SAMMSON: variants seen among roughly 807,000 people sequenced by gnomAD.
SAMMSON encodes the protein long intergenic non-protein coding RNA 1212.
chr3:70,406,255 A>G (rs2106765784), intron 2 of SAMMSON, among the ~76,000 whole-genome samples: 1 of 152,316 alleles, frequency 6.6e-6, no homozygotes, highest in South Asian at 2.1e-4. Flanking sequence ...AATTCTAACC[A>G]GAAGACAATG....
At chr3:70,009,080 G>A (rs1413933528) in intron 1 of SAMMSON, 1 of 152,170 alleles carries the variant, frequency 6.6e-6, no homozygotes, top group African/African-American at 2.4e-5. Context: ...TGTTCGTCAG[G>A]GATATTGGTC....
chr3:70,159,576 T>G (rs1416331366), intron 4 of SAMMSON: 2 of 152,158 alleles, frequency 1.3e-5, no homozygotes, highest in African/African-American at 2.4e-5. Flanking sequence ...CTGACTTTTT[T>G]TTTTCAGATG....
chr3:70,025,404 C>T (rs2067033396), intron 3 of SAMMSON, among the ~76,000 whole-genome samples: 1 of 152,114 alleles, frequency 6.6e-6, no homozygotes, highest in Non-Finnish European at 1.5e-5. Flanking sequence ...GCCACCACAC[C>T]TGGATAAGTT....
chr3:70,005,596 G>T (rs369356155), intron 1 of SAMMSON, among the ~76,000 whole-genome samples: 1 of 152,098 alleles, frequency 6.6e-6, no homozygotes, highest in Non-Finnish European at 1.5e-5. Context: ...TATTCCACCA[G>T]CCAAAGCAGG....
Position 70,305,713 on chromosome 3 carries a change from T to C in SAMMSON, n.739+14470T>C, listed in dbSNP as rs141991342. Among the ~76,000 whole-genome samples the C allele has an allele frequency of 2.4e-4, 37 of 152,306 alleles. 1 individual carries two copies. The highest frequency in any genetic ancestry group is 8.4e-4 in the African/African-American group (35 of 41,574). ...AATGTTCATGATCCAAAATTATTTT[T>C]TGAGGAAATGAAGTAAGTTGTCTTC... On this transcript the variant is annotated intron_variant and non_coding_transcript_variant, in intron 7 of 9. Transcript: ENST00000642114.
chr3:70,087,348 A>T (rs2067289221), intron 4 of SAMMSON, among the ~76,000 whole-genome samples: 1 of 152,218 alleles, frequency 6.6e-6, no homozygotes, highest in Admixed American at 6.5e-5. Flanking sequence ...TGAGAGATAC[A>T]AATGTATATT....
chr3:70,375,421 C>G (rs1417780938), intron 9 of SAMMSON, among the ~76,000 whole-genome samples: 1 of 147,006 alleles, frequency 6.8e-6, no homozygotes, highest in Non-Finnish European at 1.5e-5. Context: ...TTTTTTGCCA[C>G]AAGTGTTGGT....
intron 1 of SAMMSON, among the ~76,000 whole-genome samples, chr3:70,008,930 C>G (rs2066941862): frequency 6.6e-6 from 1 of 151,988 alleles, no homozygotes; most frequent in Non-Finnish European, 1.5e-5. Context: ...TGTTTATATG[C>G]TGGATTATGT....
At chr3:70,241,015 C>A (rs951359756) in intron 4 of SAMMSON, among the ~76,000 whole-genome samples, 1 of 151,984 alleles carries the variant, frequency 6.6e-6, no homozygotes, top group Non-Finnish European at 1.5e-5. Flanking sequence ...TTTTCGTGTC[C>A]ACCCATTTTT....
chr3:70,411,786 G>T (rs1701221542), intron 2 of SAMMSON, among the ~76,000 whole-genome samples: 1 of 152,154 alleles, frequency 6.6e-6, no homozygotes, highest in Admixed American at 6.5e-5. Context: ...TGCTATGATT[G>T]TGAGGTCTCC....
chr3:70,091,827 C>G (rs1169500595), intron 4 of SAMMSON, among the ~76,000 whole-genome samples: 3 of 152,110 alleles, frequency 2.0e-5, no homozygotes, highest in Non-Finnish European at 2.9e-5. Flanking sequence ...ACTCAAAGAT[C>G]TCTAATGATA....
intron 2 of SAMMSON, among the ~76,000 whole-genome samples, chr3:70,419,370 T>A (rs958374851): frequency 1.3e-5 from 2 of 152,036 alleles, no homozygotes; most frequent in Non-Finnish European, 2.9e-5. Context: ...AATTTCTCCA[T>A]TAAGTCAATG....
intron 4 of SAMMSON, among the ~76,000 whole-genome samples, chr3:70,228,435 T>A (rs961308428): frequency 2.0e-5 from 3 of 151,934 alleles, no homozygotes; most frequent in Admixed American, 6.6e-5. Flanking sequence ...AAAAAAAAAA[T>A]AATGCTTCAC....
At chr3:70,355,707 C>T (rs907193727) in intron 8 of SAMMSON, among the ~76,000 whole-genome samples, 2 of 151,960 alleles carry the variant, frequency 1.3e-5, no homozygotes, top group African/African-American at 2.4e-5. Flanking sequence ...GTAATGCAAG[C>T]GTAACTTTTC....
At chr3:70,038,011 T>G (rs1356979568) in intron 3 of SAMMSON, among the ~76,000 whole-genome samples, 1 of 152,160 alleles carries the variant, frequency 6.6e-6, no homozygotes, top group African/African-American at 2.4e-5. Flanking sequence ...GCTTAGCAAG[T>G]CTAAATCACT....
At chr3:70,002,801 A>G (rs1020674658) in intron 1 of SAMMSON, among the ~76,000 whole-genome samples, 2 of 152,134 alleles carry the variant, frequency 1.3e-5, no homozygotes, top group Non-Finnish European at 2.9e-5. Flanking sequence ...GTTACATTTT[A>G]CATGTGCCTG....
At chr3:70,139,791 A>G (rs762371536) in intron 4 of SAMMSON, among the ~76,000 whole-genome samples, 1 of 152,112 alleles carries the variant, frequency 6.6e-6, no homozygotes, top group Non-Finnish European at 1.5e-5. Flanking sequence ...TCATTCTTCC[A>G]TTGTATTGGA....
chr3:70,310,500 G>A (rs1041463704), intron 7 of SAMMSON, among the ~76,000 whole-genome samples: 5 of 151,862 alleles, frequency 3.3e-5, no homozygotes, highest in South Asian at 2.1e-4. Context: ...TGAGTAGCTG[G>A]GACTACAGGG....
At chr3:70,333,356 T>C (rs1371795146) in intron 7 of SAMMSON, among the ~76,000 whole-genome samples, 1 of 151,876 alleles carries the variant, frequency 6.6e-6, no homozygotes, top group Admixed American at 6.6e-5. Flanking sequence ...AAATATTAAA[T>C]AATAAGTAAA....
Sources: gnomAD v4.1 joint callset for allele counts (sites outside exome capture counted in the v4.1 genomes callset) on GRCh38, gnomAD v4.1.1 for gene constraint, MANE v1.5 for transcripts, NCBI Gene and HGNC (gene_info 2026-07-23, HGNC 2026-07-21) for gene names.